The following XPO5 variants were observed in gnomAD, a reference collection of about 807,000 sequenced individuals.
XPO5 encodes the protein exportin 5.
XPO5 carries 46 observed loss-of-function variants against 160.6 expected under a neutral mutation model. The ratio of observed to expected loss-of-function variants is 0.29; its 90% confidence interval spans 0.23 to 0.37. The LOEUF (loss-of-function observed/expected upper bound fraction) is 0.37. Ranked by LOEUF, XPO5 falls within the 10% of genes least tolerant of loss-of-function variation. XPO5 has a pLI of 1.00. For synonymous variants in XPO5, 537 were observed against 519.3 expected, an observed-to-expected ratio of 1.03 and a Z score of -0.46; for missense variants, 1,090 against 1,463.9, an observed-to-expected ratio of 0.74 and a Z score of 4.17.
intron 20 of XPO5, among the ~76,000 whole-genome samples, chr6:43,543,665 T>C (rs951674903): frequency 2.0e-5 from 3 of 151,510 alleles, no homozygotes; most frequent in African/African-American, 7.3e-5. Context: ...CAAGATAAAA[T>C]TTATTTAATT....
intron 28 of XPO5, chr6:43,525,470 A>G (rs1793522189): frequency 1.9e-6 from 1 of 516,832 alleles, no homozygotes; most frequent in Admixed American, 3.5e-5. Context: ...CTAAGCAGGA[A>G]AAATAAAAGG....
In XPO5 at chr6:43,545,523, A is replaced by G. The variant is rs1171844978; in HGVS notation, c.2342+1048T>C. On this transcript the variant is annotated intron_variant, in intron 20 of 31. Coordinates refer to ENST00000265351, the MANE Select transcript of XPO5 (RefSeq NM_020750.3). ...GGAGTTCGAGACCAGCCTGGCTAACATGGCGAAGCCCTGTCTCTACTAAAA... is the reference window on the plus strand; with the variant it reads ...GGAGTTCGAGACCAGCCTGGCTAACGTGGCGAAGCCCTGTCTCTACTAAAA... 3.3e-5 allele frequency among the ~76,000 whole-genome samples: 5 copies of G among 152,218 alleles called. No individual in the cohort carries two copies. The East Asian group carries it at 9.8e-4, about 30-fold the overall frequency.
Position 43,575,843 on chromosome 6 carries a change from C to T in XPO5, c.22G>A (p.Ala8Thr). The change falls in exon 1 of 32, where the codon GCG (alanine) becomes ACG (threonine). Residue 8 changes from alanine to threonine, a missense_variant. Ala to Thr is a moderately conservative substitution (Grantham distance 58). Coordinates refer to ENST00000265351, the MANE Select transcript of XPO5 (RefSeq NM_020750.3). The part of the protein sequence containing the change: MAMDQVN[A>T]LCEQLVKAVT... ...GCTTTCACCAGCTGCTCGCACAGCG[C>T]GTTTACTTGATCCATCGCCATGCCT... 6.2e-7 allele frequency: 1 copy of T among 1,613,760 alleles called. No individual in the cohort carries two copies.
At chr6:43,562,079 C>T in intron 9 of XPO5, 168 bp downstream of exon 9, 1 of 505,646 alleles carries the variant, frequency 2.0e-6, no homozygotes, top group Non-Finnish European at 3.5e-6. Flanking sequence ...ATCACTCAAA[C>T]ACTATTCTAT....
At chr6:43,568,152 C>T (rs1027868550) in intron 6 of XPO5, among the ~76,000 whole-genome samples, 1 of 151,376 alleles carries the variant, frequency 6.6e-6, no homozygotes, top group African/African-American at 2.4e-5. Flanking sequence ...ACTAAAAATA[C>T]AAAAAATTAG....
rs1459183635 is a variant in XPO5 at position 43,530,837 on chromosome 6, A to G, written c.2541-13T>C. The G allele has an allele frequency of 1.2e-6, 2 of 1,601,716 alleles. No individual in the cohort carries two copies. Among genetic ancestry groups the G allele is most frequent in the East Asian group, 2.2e-5 (1 of 44,724 alleles). On this transcript the variant is annotated splice_polypyrimidine_tract_variant and intron_variant, in intron 22 of 31. Transcript: ENST00000265351. ...TAGGATATGAAAACTGTAAAGGGGA[A>G]AAAAAGAGCATTGAAAATGACAAAT...
intron 18 of XPO5, 143 bp downstream of exon 18, chr6:43,548,118 G>C (rs1217128902): frequency 1.2e-6 from 1 of 843,998 alleles, no homozygotes; most frequent in African/African-American, 1.7e-5. Flanking sequence ...AATTACAAAA[G>C]ACTGCTTTTA....
At chr6:43,542,984 G>A (rs1794779947) in intron 20 of XPO5, among the ~76,000 whole-genome samples, 1 of 152,084 alleles carries the variant, frequency 6.6e-6, no homozygotes, top group Non-Finnish European at 1.5e-5. Context: ...AGGCTGAATA[G>A]TTACAGCATA....
chr6:43,572,056 T>C (rs1269387441), intron 3 of XPO5, among the ~76,000 whole-genome samples: 1 of 152,224 alleles, frequency 6.6e-6, no homozygotes, highest in Non-Finnish European at 1.5e-5. Flanking sequence ...AAGAGACATA[T>C]GCTGAATTAT....
chr6:43,575,686 T>C (rs1763281555), intron 1 of XPO5, 74 bp downstream of exon 1: 2 of 1,386,984 alleles, frequency 1.4e-6, no homozygotes, highest in Non-Finnish European at 2.0e-6. Context: ...CTACCCCAGT[T>C]ACAGGCGGCG....
chr6:43,533,424 A>G (rs1469079163), intron 21 of XPO5: 1 of 152,706 alleles, frequency 6.5e-6, no homozygotes, highest in Non-Finnish European at 1.5e-5. Flanking sequence ...ATGCTAAGAT[A>G]ATGAAGTAAA....
intron 8 of XPO5, among the ~76,000 whole-genome samples, chr6:43,563,753 T>C (rs915302072): frequency 2.6e-5 from 4 of 152,290 alleles, no homozygotes; most frequent in Admixed American, 1.3e-4. Flanking sequence ...AAAAATATGG[T>C]ATAAATGATA....
rs140163521 is a variant in XPO5 at position 43,547,359 on chromosome 6, T to A, written c.2160+249A>T. 0.013 allele frequency: 7,482 copies of A among 561,868 alleles called. 88 individuals carry two copies. Among genetic ancestry groups the A allele is most frequent in the Non-Finnish European group, 0.019 (5,799 of 308,566 alleles). The allele number at this position is 561,868 out of a possible 1,614,324, so 34.8% of individuals were successfully genotyped here. A position where few individuals can be genotyped will look rare whatever the true frequency, so the allele number is the denominator to read the frequency against. On this transcript the variant is annotated intron_variant, in intron 19 of 31. Transcript: ENST00000265351. Reference sequence around the variant, plus strand: ...ACCTACTTCCTCATTACACCTTCAGTCTTCAGAGCTATTTAGAGATCCTTA... The same window carrying A: ...ACCTACTTCCTCATTACACCTTCAGACTTCAGAGCTATTTAGAGATCCTTA...
At chr6:43,531,455 G>C in intron 22 of XPO5, 24 bp downstream of exon 22, 1 of 1,592,256 alleles carries the variant, frequency 6.3e-7, no homozygotes, top group Admixed American at 1.7e-5. Context: ...AAGAAAATAT[G>C]GAGAGGCAGC....
In XPO5 at chr6:43,562,466, T is replaced by C. The variant is rs951514590; in HGVS notation, c.912-120A>G. The C allele has an allele frequency of 1.6e-5, 12 of 766,796 alleles. No individual in the cohort carries two copies. The Admixed American group carries it at 1.8e-4, about 11-fold the overall frequency. The allele number at this position is 766,796 out of a possible 1,614,324, so 47.5% of individuals were successfully genotyped here. A position where few individuals can be genotyped will look rare whatever the true frequency, so the allele number is the denominator to read the frequency against. On this transcript the variant is annotated intron_variant, in intron 8 of 31. Transcript: ENST00000265351. The stretch of plus-strand genomic sequence containing the variant: ...GGTCTGTAATTCAGCAGAATTCCAA[T>C]AGCTTTGCTAAATTAAAAATTTTTT...
intron 5 of XPO5, among the ~76,000 whole-genome samples, chr6:43,570,000 TA>T (rs138963076): frequency 7.5e-6 from 1 of 132,572 alleles, no homozygotes; most frequent in Admixed American, 7.5e-5. Context: ...CCGAGATCCC[TA>T]TCTTTTTTTT....
chr6:43,541,475 G>A (rs1038382244), intron 20 of XPO5, among the ~76,000 whole-genome samples: 2 of 152,122 alleles, frequency 1.3e-5, no homozygotes, highest in Admixed American at 6.5e-5. Flanking sequence ...ACAATTCAGT[G>A]GTATTTAATA....
At position 43,558,589 on chromosome 6, in the gene XPO5, C is replaced by A; in HGVS notation, c.1224G>T (p.Met408Ile). 1.9e-6 allele frequency: 3 copies of A among 1,580,416 alleles called. No homozygotes were observed. Among genetic ancestry groups the A allele is most frequent in the African/African-American group, 1.4e-5 (1 of 74,066 alleles). ...LRASMTNLVK[M>I]GFPSKTDSPS... ...GGCTGTCTGTTTTAGAAGGAAAGCCCATCTGGAAAAAGAAAGGTAATTGGG... is the reference window on the plus strand; with the variant it reads ...GGCTGTCTGTTTTAGAAGGAAAGCCAATCTGGAAAAAGAAAGGTAATTGGG... Residue 408 changes from methionine to isoleucine, a missense_variant and splice_region_variant, in exon 12 of 32, where the codon ATG (methionine) becomes ATT (isoleucine). Met to Ile is a conservative substitution (Grantham distance 10, BLOSUM62 1). This residue lies in a region of XPO5 where 810 missense variants were observed against 1,139.0 expected (regional missense o/e 0.71). Transcript: ENST00000265351.
intron 23 of XPO5, among the ~76,000 whole-genome samples, chr6:43,529,909 C>CAAAAAAAAAA (rs1191727799): frequency 1.0e-5 from 1 of 97,558 alleles, no homozygotes; most frequent in Non-Finnish European, 2.1e-5. Flanking sequence ...GACCCTGTCT[C>CAAAAAAAAAA]AAAAAAAAAA....
Sources: gnomAD v4.1 joint callset for allele counts (sites outside exome capture counted in the v4.1 genomes callset) on GRCh38, gnomAD v4.1.1 for gene constraint, gnomAD v4.1.1 regional missense constraint, MANE v1.5 for transcripts, NCBI Gene and HGNC (gene_info 2026-07-23, HGNC 2026-07-21) for gene names.